Variants in SGCZ observed in about 807,000 individuals in gnomAD.
SGCZ encodes the protein sarcoglycan zeta.
A neutral mutation model predicts 41.3 loss-of-function variants in SGCZ; 40 were observed. That is an observed-to-expected ratio of 0.97 (90% CI 0.75 to 1.26). SGCZ has a LOEUF of 1.26. SGCZ is among the 50% of genes most tolerant of loss of function. SGCZ has a pLI of 0.00. For missense variants in SGCZ, 552 were observed against 369.8 expected, an observed-to-expected ratio of 1.49 and a Z score of -4.04; for synonymous variants, 206 against 137.5, an observed-to-expected ratio of 1.50 and a Z score of -3.49.
intron 2 of SGCZ, among the ~76,000 whole-genome samples, chr8:14,402,510 T>TAGCC (rs1799106314): frequency 6.7e-6 from 1 of 150,288 alleles, no homozygotes; most frequent in Non-Finnish European, 1.5e-5. Context: ...TACCTATGGC[T>TAGCC]AGCCAGTTTT....
At chr8:14,425,703 A>C (rs1799762516) in intron 2 of SGCZ, among the ~76,000 whole-genome samples, 1 of 152,180 alleles carries the variant, frequency 6.6e-6, no homozygotes, top group Non-Finnish European at 1.5e-5. Context: ...TGCAGATTTA[A>C]ACTTACTTAT....
intron 1 of SGCZ, among the ~76,000 whole-genome samples, chr8:14,873,695 T>A (rs114342700): frequency 0.024 from 3,582 of 152,238 alleles, 52 homozygotes; most frequent in Middle Eastern, 0.048. Flanking sequence ...TCAACTCTCA[T>A]TGGAAGTCCA....
chr8:14,436,918 T>C (rs1300763578), intron 2 of SGCZ, among the ~76,000 whole-genome samples: 1 of 151,776 alleles, frequency 6.6e-6, no homozygotes. Context: ...GAAATAAAGC[T>C]TTTCCCTTTG....
chr8:14,771,148 G>C (rs1249476170), intron 1 of SGCZ, among the ~76,000 whole-genome samples: 1 of 151,680 alleles, frequency 6.6e-6, no homozygotes, highest in African/African-American at 2.4e-5. Flanking sequence ...AGAGTTTTTA[G>C]ATGGGGACAG....
chr8:14,841,605 T>A (rs1439445061), intron 1 of SGCZ, among the ~76,000 whole-genome samples: 1 of 152,134 alleles, frequency 6.6e-6, no homozygotes, highest in African/African-American at 2.4e-5. Flanking sequence ...TATTTCGGCG[T>A]TAAACTAAGG....
intron 2 of SGCZ, among the ~76,000 whole-genome samples, chr8:14,375,901 G>C (rs1412413712): frequency 6.6e-6 from 1 of 152,064 alleles, no homozygotes; most frequent in Admixed American, 6.6e-5. Flanking sequence ...AAAATTGAAA[G>C]CTTAAATTAT....
intron 1 of SGCZ, among the ~76,000 whole-genome samples, chr8:14,806,833 T>A (rs1432536913): frequency 1.3e-5 from 2 of 151,818 alleles, no homozygotes; most frequent in African/African-American, 2.4e-5. Context: ...AAATCCTCAA[T>A]AAAATACTGG....
At chr8:15,228,932 A>T (rs1222634372) in intron 1 of SGCZ, among the ~76,000 whole-genome samples, 2 of 152,150 alleles carry the variant, frequency 1.3e-5, no homozygotes, top group African/African-American at 4.8e-5. Context: ...GGTGGCTCAC[A>T]CCTGTAATCC....
chr8:14,175,458 G>A (rs1038233986), intron 4 of SGCZ, among the ~76,000 whole-genome samples: 3 of 152,024 alleles, frequency 2.0e-5, no homozygotes, highest in African/African-American at 7.2e-5. Context: ...ATGCCCATAA[G>A]TAATGGAATA....
chr8:14,827,923 T>G (rs1802390603), intron 1 of SGCZ, among the ~76,000 whole-genome samples: 1 of 152,122 alleles, frequency 6.6e-6, no homozygotes, highest in Non-Finnish European at 1.5e-5. Flanking sequence ...GATCTTCAAA[T>G]CATTCATGGA....
At chr8:14,851,060 G>A (rs1199227385) in intron 1 of SGCZ, among the ~76,000 whole-genome samples, 2 of 152,070 alleles carry the variant, frequency 1.3e-5, no homozygotes, top group African/African-American at 4.8e-5. Context: ...TCTGCAAGTG[G>A]AAGAAAGCTT....
intron 1 of SGCZ, among the ~76,000 whole-genome samples, chr8:14,680,970 A>AAAAAAAC (rs1554479474): frequency 6.6e-6 from 1 of 150,740 alleles, no homozygotes; most frequent in African/African-American, 2.4e-5. Context: ...GTGGGAAAAA[A>AAAAAAAC]AAAAAAAAAA....
intron 3 of SGCZ, among the ~76,000 whole-genome samples, chr8:14,297,906 T>C (rs1801066574): frequency 2.0e-5 from 3 of 151,928 alleles, no homozygotes; most frequent in Non-Finnish European, 4.4e-5. Flanking sequence ...GGAGAATGAA[T>C]GGTGATAATA....
intron 3 of SGCZ, among the ~76,000 whole-genome samples, chr8:14,308,294 G>A (rs1003267681): frequency 1.3e-5 from 2 of 152,100 alleles, no homozygotes; most frequent in Non-Finnish European, 2.9e-5. Context: ...ATGACAATAA[G>A]TGATAGGCCT....
chr8:15,227,001 G>C (rs867865402), intron 1 of SGCZ, among the ~76,000 whole-genome samples: 51 of 152,156 alleles, frequency 3.4e-4, no homozygotes, highest in African/African-American at 1.2e-3. Context: ...ACTTGACAGA[G>C]AATGAAAGGT....
intron 3 of SGCZ, among the ~76,000 whole-genome samples, chr8:14,262,593 AG>A (rs1799711336): frequency 2.6e-5 from 4 of 151,868 alleles, no homozygotes; most frequent in Admixed American, 1.3e-4. Context: ...TAATTATAAA[AG>A]GATATATATA....
At chr8:15,114,142 C>G (rs1807174335) in intron 1 of SGCZ, among the ~76,000 whole-genome samples, 1 of 152,192 alleles carries the variant, frequency 6.6e-6, no homozygotes, top group Non-Finnish European at 1.5e-5. Flanking sequence ...GTCATTCTAA[C>G]TTGCATCCGA....
At chr8:15,143,661 A>C (rs942091443) in intron 1 of SGCZ, among the ~76,000 whole-genome samples, 1 of 152,226 alleles carries the variant, frequency 6.6e-6, no homozygotes, top group African/African-American at 2.4e-5. Context: ...TAGGAGAATT[A>C]ACCCATCTCC....
chr8:14,336,662 G>C (rs1424266488), intron 2 of SGCZ, among the ~76,000 whole-genome samples: 1 of 152,056 alleles, frequency 6.6e-6, no homozygotes, highest in African/African-American at 2.4e-5. Context: ...TCTCACGGTG[G>C]TTTACAACCA....
Sources: allele counts gnomAD v4.1 joint callset (sites outside exome capture counted in the v4.1 genomes callset), GRCh38; gene constraint gnomAD v4.1.1; transcripts MANE v1.5; gene names NCBI Gene and HGNC (gene_info 2026-07-23, HGNC 2026-07-21).